Variants in SPATA17 observed in about 807,000 individuals in gnomAD.
The protein encoded by SPATA17 is spermatogenesis-associated protein 17.
A neutral mutation model predicts 62.2 loss-of-function variants in SPATA17; 53 were observed. That is an observed-to-expected ratio of 0.85 (90% CI 0.68 to 1.07). SPATA17 has a LOEUF of 1.07. Ranked by LOEUF, SPATA17 falls within the 50% of genes least tolerant of loss-of-function variation. The pLI is 0.00. For synonymous variants in SPATA17, 146 were observed against 146.8 expected (o/e 0.99, Z 0.04); for missense variants, 466 against 425.5 (o/e 1.10, Z -0.84).
chr1:217,760,574 T>C (rs896570209), intron 6 of SPATA17, among the ~76,000 whole-genome samples: 3 of 152,196 alleles, frequency 2.0e-5, no homozygotes, highest in African/African-American at 7.2e-5. Flanking sequence ...CCTGAGGCAT[T>C]CAACCATACT....
chr1:217,642,117 C>T (rs1331517980), intron 1 of SPATA17, among the ~76,000 whole-genome samples: 1 of 152,162 alleles, frequency 6.6e-6, no homozygotes, highest in African/African-American at 2.4e-5. Context: ...CTTCTCAATG[C>T]ATCCTACCAG....
chr1:217,817,734 T>C (rs551973567), intron 9 of SPATA17, among the ~76,000 whole-genome samples: 1 of 152,196 alleles, frequency 6.6e-6, no homozygotes, highest in South Asian at 2.1e-4. Flanking sequence ...CTATATTACG[T>C]AAGTCTAATA....
intron 5 of SPATA17, among the ~76,000 whole-genome samples, chr1:217,717,734 G>A (rs1044048252): frequency 2.0e-5 from 3 of 151,954 alleles, no homozygotes; most frequent in African/African-American, 4.8e-5. Context: ...AATGATAGGC[G>A]CTTTTAAGAA....
intron 5 of SPATA17, among the ~76,000 whole-genome samples, chr1:217,739,043 A>G (rs1415256519): frequency 1.3e-5 from 2 of 152,230 alleles, no homozygotes; most frequent in Non-Finnish European, 2.9e-5. Flanking sequence ...TATCATTATT[A>G]GAATATGTAA....
chr1:217,820,903 C>T (rs1048034786), intron 9 of SPATA17, among the ~76,000 whole-genome samples: 1 of 152,074 alleles, frequency 6.6e-6, no homozygotes, highest in African/African-American at 2.4e-5. Context: ...GCACAAGAAG[C>T]ATGCTGCTGG....
intron 5 of SPATA17, among the ~76,000 whole-genome samples, chr1:217,727,285 A>ATAATAATAATAATAATAC (rs200289654): frequency 2.0e-5 from 3 of 146,676 alleles, no homozygotes; most frequent in African/African-American, 5.2e-5. Flanking sequence ...AATAATAATA[A>ATAATAATAATAATAATAC]TAACAACAAA....
At chr1:217,794,108 T>C (rs1674075010) in intron 8 of SPATA17, among the ~76,000 whole-genome samples, 1 of 131,718 alleles carries the variant, frequency 7.6e-6, no homozygotes, top group Non-Finnish European at 1.6e-5. Context: ...AGAGCGAGAC[T>C]CCGTCACAAA....
At chr1:217,764,533 T>G (rs2102965484) in intron 6 of SPATA17, among the ~76,000 whole-genome samples, 1 of 152,322 alleles carries the variant, frequency 6.6e-6, no homozygotes. Context: ...GTAAACATTT[T>G]TGTGCAGGTG....
At chr1:217,807,163 A>T (rs1674452778) in intron 9 of SPATA17, among the ~76,000 whole-genome samples, 1 of 152,104 alleles carries the variant, frequency 6.6e-6, no homozygotes, top group Admixed American at 6.6e-5. Flanking sequence ...TAGAAAATCA[A>T]ATACTGCATG....
At chr1:217,685,567 A>C (rs1286481063) in intron 5 of SPATA17, among the ~76,000 whole-genome samples, 4 of 152,148 alleles carry the variant, frequency 2.6e-5, no homozygotes, top group African/African-American at 9.7e-5. Context: ...TCTGTCATCT[A>C]TTGAAATAAT....
intron 1 of SPATA17, among the ~76,000 whole-genome samples, chr1:217,634,680 C>G (rs779323170): frequency 6.6e-6 from 1 of 152,154 alleles, no homozygotes; most frequent in Non-Finnish European, 1.5e-5. Flanking sequence ...AGTCCCCAGG[C>G]AAGAAGGGGG....
chr1:217,846,548 CT>C (rs559333810), intron 9 of SPATA17, among the ~76,000 whole-genome samples: 4 of 152,102 alleles, frequency 2.6e-5, no homozygotes, highest in African/African-American at 9.6e-5. Flanking sequence ...CTTTCAAGCA[CT>C]TTTAACCTAT....
intron 9 of SPATA17, among the ~76,000 whole-genome samples, chr1:217,806,903 T>C (rs1674447897): frequency 6.6e-6 from 1 of 152,134 alleles, no homozygotes; most frequent in Non-Finnish European, 1.5e-5. Flanking sequence ...ATTCAGGCTA[T>C]ACCATGTAAC....
chr1:217,796,190 C>T (rs936913656), intron 8 of SPATA17, among the ~76,000 whole-genome samples: 4 of 152,106 alleles, frequency 2.6e-5, no homozygotes, highest in African/African-American at 7.2e-5. Flanking sequence ...TGTAAATGGC[C>T]TAAAAGAAGA....
chr1:217,812,789 T>C (rs1385007703), intron 9 of SPATA17, among the ~76,000 whole-genome samples: 2 of 152,338 alleles, frequency 1.3e-5, no homozygotes, highest in East Asian at 3.9e-4. Flanking sequence ...TGTTCATATT[T>C]ACTGAAGCAG....
At chr1:217,721,750 C>T (rs963844266) in intron 5 of SPATA17, among the ~76,000 whole-genome samples, 3 of 152,198 alleles carry the variant, frequency 2.0e-5, no homozygotes, top group Non-Finnish European at 4.4e-5. Flanking sequence ...GTACTAAACT[C>T]CTTCTACCTG....
At chr1:217,800,080 T>C (rs1254603807) in intron 8 of SPATA17, among the ~76,000 whole-genome samples, 1 of 152,174 alleles carries the variant, frequency 6.6e-6, no homozygotes, top group African/African-American at 2.4e-5. Flanking sequence ...ATGATGTCTG[T>C]TTCCTCTAGC....
At chr1:217,743,147 G>A (rs921323668) in intron 6 of SPATA17, among the ~76,000 whole-genome samples, 12 of 151,956 alleles carry the variant, frequency 7.9e-5, no homozygotes, top group African/African-American at 2.9e-4. Flanking sequence ...GAGGTGTTAC[G>A]TAGCTAAGTT....
intron 6 of SPATA17, among the ~76,000 whole-genome samples, chr1:217,765,454 T>C (rs1673276991): frequency 6.6e-6 from 1 of 151,948 alleles, no homozygotes; most frequent in African/African-American, 2.4e-5. Context: ...CAAATGTTGA[T>C]AAGCTATATT....
Sources: gnomAD v4.1 joint callset for allele counts (sites outside exome capture counted in the v4.1 genomes callset) on GRCh38, gnomAD v4.1.1 for gene constraint, MANE v1.5 for transcripts, NCBI Gene and HGNC (gene_info 2026-07-23, HGNC 2026-07-21) for gene names.